The following TMEM39B variants were observed in gnomAD, a reference collection of about 807,000 sequenced individuals.
TMEM39B encodes the protein transmembrane protein 39B.
A neutral mutation model predicts 52.2 loss-of-function variants in TMEM39B; 23 were observed. That is an observed-to-expected ratio of 0.44 (90% confidence interval 0.32 to 0.62). TMEM39B has a LOEUF of 0.62. Ranked by LOEUF, TMEM39B falls within the 20% of genes least tolerant of loss-of-function variation. TMEM39B has a pLI of 0.06. For synonymous variants in TMEM39B, 285 were observed against 264.0 expected (o/e 1.08, Z -0.77); for missense variants, 547 against 642.0 (o/e 0.85, Z 1.60).
chr1:32,083,809 A>G (rs1640219668), intron 5 of TMEM39B, among the ~76,000 whole-genome samples: 1 of 152,078 alleles, frequency 6.6e-6, no homozygotes, highest in Admixed American at 6.6e-5. Context: ...GCAGTGGTGC[A>G]ATCTCAGTTT....
chr1:32,080,387 C>T (rs888082525), intron 5 of TMEM39B, among the ~76,000 whole-genome samples: 8 of 151,808 alleles, frequency 5.3e-5, no homozygotes, highest in Admixed American at 3.3e-4. Context: ...AGTTGCCTGT[C>T]GGACGCGGTG....
At chr1:32,092,182 GGTCTTGCTCT>G (rs1341034093) in intron 6 of TMEM39B, among the ~76,000 whole-genome samples, 171 bp downstream of exon 6, 1 of 152,002 alleles carries the variant, frequency 6.6e-6, no homozygotes, top group African/African-American at 2.4e-5. Flanking sequence ...TTAGAGACAG[GGTCTTGCTCT>G]GTCACCTACA....
intron 7 of TMEM39B, among the ~76,000 whole-genome samples, chr1:32,098,830 C>T (rs1321744500): frequency 6.6e-6 from 1 of 152,186 alleles, no homozygotes; most frequent in Admixed American, 6.5e-5. Flanking sequence ...GCTCTGAGGA[C>T]ACAGGGATGG....
chr1:32,100,039 C>G (rs1450021394), intron 7 of TMEM39B, among the ~76,000 whole-genome samples: 1 of 151,590 alleles, frequency 6.6e-6, no homozygotes, highest in Non-Finnish European at 1.5e-5. Flanking sequence ...AAGATCGAAA[C>G]TCATTCTCAA....
chr1:32,074,056 G>A (rs182764210), intron 1 of TMEM39B, among the ~76,000 whole-genome samples: 155 of 152,218 alleles, frequency 1.0e-3, no homozygotes, highest in African/African-American at 3.7e-3. Context: ...GTCAGGTTGT[G>A]ACTTTTTTAG....
chr1:32,100,685 CAG>C (rs765898970), intron 8 of TMEM39B, 123 bp downstream of exon 8: 21 of 1,323,884 alleles, frequency 1.6e-5, no homozygotes, highest in Non-Finnish European at 1.9e-5. Flanking sequence ...CAAAGGAAGA[CAG>C]TGCACACATG....
intron 5 of TMEM39B, among the ~76,000 whole-genome samples, chr1:32,086,042 G>C (rs980835365): frequency 3.3e-5 from 5 of 152,060 alleles, no homozygotes; most frequent in African/African-American, 1.2e-4. Flanking sequence ...TTGAGCCTCC[G>C]TAGGCCAGAA....
chr1:32,083,339 T>G (rs969609854), intron 5 of TMEM39B, among the ~76,000 whole-genome samples: 8 of 149,700 alleles, frequency 5.3e-5, no homozygotes, highest in Admixed American at 4.7e-4. Context: ...CACCTCAGCT[T>G]CCCAAAGTGC....
Position 32,077,248 on chromosome 1 carries a change from A to G in TMEM39B, c.520A>G (p.Ser174Gly), listed in dbSNP as rs765804075. Residue 174 changes from serine to glycine, a missense_variant, in exon 5 of 9, where the codon AGT (serine) becomes GGT (glycine). Transcript: ENST00000336294. Reference sequence around the variant, plus strand: ...CACCGTTCTCACGGCAACAGGCTGGAGTCTGTGCCGATCCCTCATCCACCT... The same window carrying G: ...CACCGTTCTCACGGCAACAGGCTGGGGTCTGTGCCGATCCCTCATCCACCT... ...RFTVLTATGW[S>G]LCRSLIHLFR... 3.1e-6 allele frequency: 5 copies of G among 1,614,048 alleles called. No individual in the cohort carries two copies. The South Asian group carries it at 3.3e-5, about 11-fold the overall frequency.
chr1:32,083,040 C>G (rs1214890566), intron 5 of TMEM39B, among the ~76,000 whole-genome samples: 1 of 148,360 alleles, frequency 6.7e-6, no homozygotes, highest in Non-Finnish European at 1.5e-5. Flanking sequence ...TCCCAAAGTG[C>G]TGGGATTACA....
intron 7 of TMEM39B, 37 bp downstream of exon 7, chr1:32,095,008 C>G: frequency 6.2e-7 from 1 of 1,602,430 alleles, no homozygotes; most frequent in Non-Finnish European, 8.5e-7. Context: ...AATCCCAGCC[C>G]TTCTGGTCAG....
chr1:32,098,684 G>A (rs1241003379), intron 7 of TMEM39B, among the ~76,000 whole-genome samples: 1 of 152,126 alleles, frequency 6.6e-6, no homozygotes, highest in African/African-American at 2.4e-5. Flanking sequence ...AGTGAGCCGA[G>A]ATAGAGATAG....
chr1:32,076,437 TGGA>T, intron 3 of TMEM39B: 1 of 417,094 alleles, frequency 2.4e-6, no homozygotes, highest in South Asian at 1.9e-5. Context: ...AATCCAGTAG[TGGA>T]GATGAACCAC....
At chr1:32,074,738 A>T (rs1174748199) in intron 1 of TMEM39B, among the ~76,000 whole-genome samples, 1 of 149,884 alleles carries the variant, frequency 6.7e-6, no homozygotes, top group Non-Finnish European at 1.5e-5. Flanking sequence ...AAAGATCAAG[A>T]TGTTTAGAGC....
At chr1:32,092,295 T>G (rs1232774417) in intron 6 of TMEM39B, among the ~76,000 whole-genome samples, 1 of 152,118 alleles carries the variant, frequency 6.6e-6, no homozygotes, top group Non-Finnish European at 1.5e-5. Context: ...TAGCTGTGAC[T>G]GCAGGCATGA....
chr1:32,085,750 CAAA>C (rs113814805), intron 5 of TMEM39B, among the ~76,000 whole-genome samples: 2 of 127,794 alleles, frequency 1.6e-5, no homozygotes, highest in African/African-American at 2.9e-5. Context: ...GACTCTGTCT[CAAA>C]AAAAAAAAAA....
intron 5 of TMEM39B, among the ~76,000 whole-genome samples, chr1:32,078,991 C>T (rs1639980167): frequency 1.3e-5 from 2 of 151,972 alleles, no homozygotes; most frequent in Admixed American, 1.3e-4. Flanking sequence ...GCATGATGTA[C>T]AATTTACCAC....
In TMEM39B at chr1:32,100,326, G is replaced by A. The variant is rs771071331; in HGVS notation, c.1116-116G>A. ...TGAAACCCAGAAAAGGAAAGTCAGC[G>A]TGTCTAAGTGATAGAAATGGGAGTA... On this transcript the variant is annotated intron_variant, in intron 7 of 8. Transcript: ENST00000336294. 4.4e-5 allele frequency: 52 copies of A among 1,189,364 alleles called. No homozygotes were observed. In the African/African-American group the frequency reaches 4.9e-4, roughly 11 times the overall value. 73.7% of individuals were successfully genotyped at this position (1,189,364 alleles called of 1,614,324 possible). A position where few individuals can be genotyped will look rare whatever the true frequency, so the allele number is the denominator to read the frequency against.
chr1:32,081,899 A>G (rs558082058), intron 5 of TMEM39B, among the ~76,000 whole-genome samples: 27 of 152,254 alleles, frequency 1.8e-4, no homozygotes, highest in African/African-American at 5.1e-4. Flanking sequence ...GTAATTATCA[A>G]TGTTTTTGGT....
Sources: gnomAD v4.1 joint callset for allele counts (sites outside exome capture counted in the v4.1 genomes callset) on GRCh38, gnomAD v4.1.1 for gene constraint, MANE v1.5 for transcripts, NCBI Gene and HGNC (gene_info 2026-07-23, HGNC 2026-07-21) for gene names.